Variants in TMEM200A observed in about 807,000 individuals in gnomAD.
TMEM200A encodes the protein two transmembrane C.
TMEM200A carries 12 observed loss-of-function variants against 24.3 expected under a neutral mutation model. That is an observed-to-expected ratio of 0.49 (90% CI 0.32 to 0.80). TMEM200A has a LOEUF of 0.80. TMEM200A is among the 30% of genes least tolerant of loss of function. The pLI is 0.04. For synonymous variants in TMEM200A, 224 were observed against 224.4 expected (o/e 1.00, Z 0.02); for missense variants, 545 against 614.4 (o/e 0.89, Z 1.19).
chr6:130,441,002 G>A lies in TMEM200A; in HGVS notation c.580G>A (p.Val194Ile), dbSNP rs1259176010. Residue 194 changes from valine (V) to isoleucine (I), a missense_variant, in exon 3 of 3, where the codon GTA becomes ATA. Val to Ile is a conservative substitution (Grantham distance 29). Coordinates refer to ENST00000296978, the MANE Select transcript of TMEM200A (RefSeq NM_001258277.2). ...MYTGLMGETE[V>I]KQNGSSCASR... ...CACTGGTTTGATGGGAGAAACAGAA[G>A]TAAAACAGAATGGGAGCTCCTGTGC... The A allele has an allele frequency of 2.5e-6, 4 of 1,613,906 alleles. No homozygotes were observed. Among genetic ancestry groups the A allele is most frequent in the Middle Eastern group, 1.6e-4 (1 of 6,078 alleles).
At chr6:130,407,365 T>TTAG (rs1779229622) in intron 2 of TMEM200A, among the ~76,000 whole-genome samples, 1 of 152,144 alleles carries the variant, frequency 6.6e-6, no homozygotes, top group Admixed American at 6.5e-5. Context: ...GACAACAGGG[T>TTAG]TAGTAGTTTC....
intron 2 of TMEM200A, among the ~76,000 whole-genome samples, chr6:130,435,304 TG>T (rs1779975271): frequency 6.6e-6 from 1 of 152,162 alleles, no homozygotes. Flanking sequence ...TCTTTTAACT[TG>T]GCCTTTGACA....
At chr6:130,367,183 TG>T (rs1778195826) in intron 1 of TMEM200A, among the ~76,000 whole-genome samples, 1 of 152,198 alleles carries the variant, frequency 6.6e-6, no homozygotes, top group Non-Finnish European at 1.5e-5. Flanking sequence ...TACCGGGCAT[TG>T]GTAATGTCGG....
intron 2 of TMEM200A, among the ~76,000 whole-genome samples, chr6:130,407,201 C>G (rs1779226339): frequency 6.6e-6 from 1 of 152,080 alleles, no homozygotes; most frequent in Non-Finnish European, 1.5e-5. Flanking sequence ...GACTCTGCAT[C>G]TGAAAATGCT....
At chr6:130,428,071 C>T (rs10485236) in intron 2 of TMEM200A, among the ~76,000 whole-genome samples, 39,606 of 151,954 alleles carry the variant, frequency 0.26, 6,582 homozygotes, top group African/African-American at 0.47. Flanking sequence ...TTATCTTAGG[C>T]GTCCCTTGAA....
chr6:130,419,997 A>G (rs969662089), intron 2 of TMEM200A, among the ~76,000 whole-genome samples: 39 of 152,224 alleles, frequency 2.6e-4, no homozygotes, highest in Non-Finnish European at 2.9e-4. Context: ...GATGAAGGCT[A>G]TATGAAGCTT....
rs1286584994 is a variant in TMEM200A at position 130,366,317 on chromosome 6, A to C, written c.-288A>C. 1.0e-6 allele frequency: 1 copy of C among 957,622 alleles called. No individual in the cohort carries two copies. Among genetic ancestry groups the C allele is most frequent in the African/African-American group, 2.1e-5 (1 of 47,598 alleles). 59.3% of individuals were successfully genotyped at this position (957,622 alleles called of 1,614,324 possible). On this transcript the variant is annotated 5_prime_UTR_variant, in exon 1 of 3. Coordinates refer to ENST00000296978, the MANE Select transcript of TMEM200A (RefSeq NM_001258277.2). The surrounding 1 kb of genome is among the most constrained non-coding windows in gnomAD (Gnocchi z 4.4). Reference sequence around the variant, plus strand: ...TGCCACCCGCCCCCTCGCCTGACTCATCCGCCCGCGGTGGCCGCCCGAGCC... The same window carrying C: ...TGCCACCCGCCCCCTCGCCTGACTCCTCCGCCCGCGGTGGCCGCCCGAGCC...
At chr6:130,434,225 T>G (rs965014528) in intron 2 of TMEM200A, among the ~76,000 whole-genome samples, 1 of 152,018 alleles carries the variant, frequency 6.6e-6, no homozygotes, top group Admixed American at 6.6e-5. Flanking sequence ...GCCAAGGCAC[T>G]GGGACAGCAT....
At chr6:130,371,743 G>C (rs1235496056) in intron 1 of TMEM200A, among the ~76,000 whole-genome samples, 1 of 152,192 alleles carries the variant, frequency 6.6e-6, no homozygotes, top group Non-Finnish European at 1.5e-5. Flanking sequence ...AAAATTATCA[G>C]GCAGTTGAAC....
At chr6:130,439,290 G>A (rs568533459) in intron 2 of TMEM200A, 1 of 152,308 alleles carries the variant, frequency 6.6e-6, no homozygotes, top group South Asian at 2.1e-4. Flanking sequence ...AGGCTGGGAA[G>A]AGTAGGATTA....
intron 2 of TMEM200A, 101 bp from the exon 3 acceptor site, chr6:130,440,306 C>A: frequency 7.9e-7 from 1 of 1,258,156 alleles, no homozygotes; most frequent in Non-Finnish European, 1.0e-6. Context: ...GAAACTGCAA[C>A]AGCAACAAAA....
At chr6:130,417,792 G>C (rs554068534) in intron 2 of TMEM200A, among the ~76,000 whole-genome samples, 1 of 152,006 alleles carries the variant, frequency 6.6e-6, no homozygotes, top group African/African-American at 2.4e-5. Flanking sequence ...TTGGCTTTTC[G>C]TTTTCAGAGT....
At chr6:130,416,564 G>A (rs537817484) in intron 2 of TMEM200A, among the ~76,000 whole-genome samples, 8 of 152,160 alleles carry the variant, frequency 5.3e-5, no homozygotes, top group African/African-American at 1.7e-4. Context: ...CAAGGTCTTC[G>A]TATTCTGTCT....
At chr6:130,381,128 T>C (rs1161487051) in intron 1 of TMEM200A, among the ~76,000 whole-genome samples, 1 of 152,268 alleles carries the variant, frequency 6.6e-6, no homozygotes, top group Non-Finnish European at 1.5e-5. Context: ...CTTTGAGTCA[T>C]CTGGGAGTTA....
In TMEM200A at chr6:130,441,610, G is replaced by T; in HGVS notation, c.1188G>T (p.Lys396Asn). ...TGCATTTGCTCTCGTCACACTCAAA[G>T]TCCTTGGACTTAGACCGGGGTCCCT... is the stretch of plus-strand genomic sequence containing the variant. ...TSLHLLSSHS[K>N]SLDLDRGPST... Residue 396 changes from lysine to asparagine, a missense_variant, in exon 3 of 3, where the codon AAG becomes AAT. By Grantham distance (94) the Lys-to-Asn change is moderately conservative. Coordinates refer to ENST00000296978, the MANE Select transcript of TMEM200A (RefSeq NM_001258277.2). 2 of 1,614,056 alleles carry T rather than the reference G, an allele frequency of 1.2e-6. No individual in the cohort carries two copies.
At chr6:130,419,063 C>A (rs1354811469) in intron 2 of TMEM200A, among the ~76,000 whole-genome samples, 1 of 152,078 alleles carries the variant, frequency 6.6e-6, no homozygotes, top group Non-Finnish European at 1.5e-5. Context: ...TTCTACATAC[C>A]ACCACTCCCC....
chr6:130,425,176 A>G lies in TMEM200A; in HGVS notation c.-16-15231A>G, dbSNP rs1175554759. Among the ~76,000 whole-genome samples, 4 of 152,172 alleles carry G rather than the reference A, an allele frequency of 2.6e-5. No homozygotes were observed. In the East Asian group the frequency reaches 7.7e-4, roughly 29 times the overall value. On this transcript the variant is annotated intron_variant, in intron 2 of 2. Coordinates refer to ENST00000296978, the MANE Select transcript of TMEM200A (RefSeq NM_001258277.2). ...ACAGATTCTGGTCACTACTCATGGC[A>G]GTGCTCAGCAAGTATCTATTGAATA...
intron 1 of TMEM200A, among the ~76,000 whole-genome samples, chr6:130,374,576 A>G (rs11965502): frequency 0.18 from 26,639 of 151,730 alleles, 2,590 homozygotes; most frequent in East Asian, 0.39. Flanking sequence ...CCACCACGCC[A>G]GGCTAATTTT....
rs529123480 is a variant in TMEM200A, at chr6:130,395,814, C to T, written c.-17+10578C>T. ...GTCGTTGAATTTAAAGCAAGTGTTA[C>T]GCTTAACAGCAGTTTAAAATACTGA... On this transcript the variant is annotated intron_variant, in intron 2 of 2. Transcript: ENST00000296978. Among the ~76,000 whole-genome samples, 135 of 152,254 alleles carry T rather than the reference C, an allele frequency of 8.9e-4. 2 individuals are homozygous for T. The South Asian group carries it at 0.018, about 21-fold the overall frequency.
Sources: gnomAD v4.1 joint callset for allele counts (sites outside exome capture counted in the v4.1 genomes callset) on GRCh38, gnomAD v4.1.1 for gene constraint, Gnocchi (gnomAD v3.1) non-coding constraint, MANE v1.5 for transcripts, NCBI Gene and HGNC (gene_info 2026-07-23, HGNC 2026-07-21) for gene names.